ARHGEF10L: variants seen among roughly 807,000 people sequenced by gnomAD.
The protein encoded by ARHGEF10L is Rho guanine nucleotide exchange factor 10 like, also known as rho guanine nucleotide exchange factor 10-like protein.
ARHGEF10L carries 69 observed loss-of-function variants against 141.2 expected under a neutral mutation model. The ratio of observed to expected loss-of-function variants is 0.49; its 90% CI spans 0.40 to 0.60. ARHGEF10L has a LOEUF of 0.60. Ranked by LOEUF, ARHGEF10L falls within the 20% of genes least tolerant of loss-of-function variation. The probability of loss-of-function intolerance (pLI) is 0.00; values close to 1 mark genes in which losing one functional copy is unlikely to be tolerated. For synonymous variants in ARHGEF10L, 711 were observed against 718.5 expected (o/e 0.99, Z 0.17); for missense variants, 1,482 against 1,734.3 (o/e 0.85, Z 2.58).
At chr1:17,561,698 A>G (rs1021829193) in intron 1 of ARHGEF10L, among the ~76,000 whole-genome samples, 1 of 152,188 alleles carries the variant, frequency 6.6e-6, no homozygotes, top group African/African-American at 2.4e-5. Context: ...GGAGCCAGCT[A>G]TGAAGGAATA....
intron 4 of ARHGEF10L, among the ~76,000 whole-genome samples, chr1:17,598,212 C>T (rs1203266924): frequency 1.3e-5 from 2 of 152,118 alleles, no homozygotes; most frequent in African/African-American, 4.8e-5. Context: ...AGCGATTCTC[C>T]CATCTCAGCC....
In ARHGEF10L at chr1:17,619,486, G is replaced by A. The variant is rs751567122; in HGVS notation, c.942+41G>A. ...GGGCAGGTGGGGGTCTGCAGGGGAAGGGGTGGCTTGGGGGTTCCAGCCTGT... is the reference window on the plus strand; with the variant it reads ...GGGCAGGTGGGGGTCTGCAGGGGAAAGGGTGGCTTGGGGGTTCCAGCCTGT... On this transcript the variant is annotated intron_variant, in intron 10 of 28. Transcript: ENST00000361221. The surrounding 1 kb of genome is among the most constrained non-coding windows in gnomAD (Gnocchi z 5.0). 2 of 1,455,776 alleles carry A rather than the reference G, an allele frequency of 1.4e-6. No homozygotes were observed. The highest frequency in any genetic ancestry group is 2.2e-5 in the Admixed American group (1 of 44,616). The allele number at this position is 1,455,776 out of a possible 1,614,324, so 90.2% of individuals were successfully genotyped here. A position where few individuals can be genotyped will look rare whatever the true frequency, so the allele number is the denominator to read the frequency against.
the ARHGEF10L span, among the ~76,000 whole-genome samples, chr1:17,527,675 C>CT: frequency 0.018 from 2,645 of 147,324 alleles, 69 homozygotes; most frequent in African/African-American, 0.06. Flanking sequence ...CAAGACACTC[C>CT]TTTTTTTTTT....
chr1:17,537,493 G>A (rs1297275486), upstream of ARHGEF10L, among the ~76,000 whole-genome samples: 2 of 152,180 alleles, frequency 1.3e-5, no homozygotes, highest in East Asian at 1.9e-4. Flanking sequence ...AGCTAGATGG[G>A]TCAAATCAGT....
intron 1 of ARHGEF10L, among the ~76,000 whole-genome samples, chr1:17,578,274 C>T (rs1456984175): frequency 1.3e-5 from 2 of 152,176 alleles, no homozygotes; most frequent in African/African-American, 4.8e-5. Context: ...CGTGCAGCTA[C>T]AGGTTTGTTT....
At chr1:17,587,424 G>T (rs1230880295) in intron 2 of ARHGEF10L, 36 bp from the exon 3 acceptor site, 5 of 1,594,812 alleles carry the variant, frequency 3.1e-6, no homozygotes, top group Non-Finnish European at 3.4e-6. Flanking sequence ...AAACCTCGGA[G>T]ATCCTGCAGC....
At chr1:17,518,578 G>A in the ARHGEF10L span, among the ~76,000 whole-genome samples, 1 of 151,738 alleles carries the variant, frequency 6.6e-6, no homozygotes, top group Non-Finnish European at 1.5e-5. Context: ...GATCACCTGA[G>A]GTCAGGAGTT....
chr1:17,631,307 A>G (rs1380131888), intron 15 of ARHGEF10L, among the ~76,000 whole-genome samples: 6 of 152,096 alleles, frequency 3.9e-5, no homozygotes, highest in Non-Finnish European at 8.8e-5. Context: ...ACGTTTTCCC[A>G]GGGTGTCCCT....
chr1:17,579,848 G>C (rs937872420), intron 1 of ARHGEF10L, among the ~76,000 whole-genome samples: 13 of 152,218 alleles, frequency 8.5e-5, no homozygotes, highest in African/African-American at 2.9e-4. Context: ...GAAGCCCACC[G>C]GAGGCATCAG....
Position 17,664,496 on chromosome 1 carries a change from G to A in ARHGEF10L, c.2910G>A (p.Gly970=). 1 of 1,607,598 alleles carries A rather than the reference G, an allele frequency of 6.2e-7. No homozygotes were observed. Among genetic ancestry groups the A allele is most frequent in the Non-Finnish European group, 8.5e-7 (1 of 1,179,758 alleles). The change falls in exon 26 of 29, where the codon GGG becomes GGA. Residue 970 remains glycine, a synonymous_variant. Coordinates refer to ENST00000361221, the MANE Select transcript of ARHGEF10L (RefSeq NM_018125.4). ...GCCCTCCCGTGTGCCTGACTGTGGGGCCCGGGCCTGTCCGCACCCTGTTGA... is the reference window on the plus strand; with the variant it reads ...GCCCTCCCGTGTGCCTGACTGTGGGACCCGGGCCTGTCCGCACCCTGTTGA... ...LESPPVCLTV[G]PGPVRTLLSL... is the part of the protein sequence containing the mutation.
intron 27 of ARHGEF10L, among the ~76,000 whole-genome samples, chr1:17,689,384 C>G (rs1328143354): frequency 2.0e-5 from 3 of 151,446 alleles, no homozygotes; most frequent in African/African-American, 7.3e-5. Context: ...TGAGACTGAA[C>G]CCTTCACTCA....
Position 17,621,536 on chromosome 1 carries a change from G to A in ARHGEF10L, c.943-328G>A, listed in dbSNP as rs893397874. On this transcript the variant is annotated intron_variant, in intron 10 of 28. Coordinates refer to ENST00000361221, the MANE Select transcript of ARHGEF10L (RefSeq NM_018125.4). The surrounding 1 kb of genome is among the most constrained non-coding windows in gnomAD (Gnocchi z 4.1). ...GCATGAGCCACCTTGCCTGGCCTAG[G>A]ATTTTCTATTAGAGTTGTCCAAAGA... Among the ~76,000 whole-genome samples, 10 of 152,184 alleles carry A rather than the reference G, an allele frequency of 6.6e-5. No individual in the cohort carries two copies. Among genetic ancestry groups the A allele is most frequent in the African/African-American group, 1.7e-4 (7 of 41,446 alleles).
intron 4 of ARHGEF10L, among the ~76,000 whole-genome samples, chr1:17,595,741 G>A (rs1190228632): frequency 1.3e-5 from 2 of 152,118 alleles, no homozygotes; most frequent in African/African-American, 4.8e-5. Context: ...AGGAGGGGGC[G>A]GGGAAGCAGC....
intron 15 of ARHGEF10L, among the ~76,000 whole-genome samples, chr1:17,630,289 A>G (rs1310539650): frequency 6.6e-6 from 1 of 152,226 alleles, no homozygotes; most frequent in East Asian, 1.9e-4. Context: ...CGTTTGTGCA[A>G]TATCCTGGTT....
intron 26 of ARHGEF10L, among the ~76,000 whole-genome samples, chr1:17,676,001 GGTGCAGGTGTGGATGCAGGTATGT>G (rs2063668043): frequency 1.4e-5 from 2 of 143,382 alleles, no homozygotes; most frequent in Non-Finnish European, 3.0e-5. Flanking sequence ...TGCAGGTGTG[GGTGCAGGTGTGGATGCAGGTATGT>G]GTGCAGGTAT....
chr1:17,647,384 G>A (rs2061667772), intron 21 of ARHGEF10L, among the ~76,000 whole-genome samples: 1 of 152,202 alleles, frequency 6.6e-6, no homozygotes, highest in South Asian at 2.1e-4. Flanking sequence ...TGTGGTGCCT[G>A]ATGTGTGGGT....
chr1:17,643,451 C>A (rs2061429186), intron 21 of ARHGEF10L, among the ~76,000 whole-genome samples: 1 of 152,188 alleles, frequency 6.6e-6, no homozygotes, highest in Non-Finnish European at 1.5e-5. Flanking sequence ...CTGGGAAAGG[C>A]AGACTCCATC....
rs1043179516 is a variant in ARHGEF10L at position 17,567,393 on chromosome 1, G to A, written c.-43-13160G>A. 9.6e-4 allele frequency among the ~76,000 whole-genome samples: 146 copies of A among 152,186 alleles called. 1 individual carries two copies. The highest frequency in any genetic ancestry group is 3.3e-3 in the African/African-American group (138 of 41,508). On this transcript the variant is annotated intron_variant, in intron 1 of 28. Transcript: ENST00000361221. ...AGCAGAATTTTTTTTTTGAGATGTA[G>A]TCTCACTCTGTCGCCCAGGCTGGAG... is the stretch of plus-strand genomic sequence containing the variant.
At chr1:17,579,441 C>T (rs2078381388) in intron 1 of ARHGEF10L, among the ~76,000 whole-genome samples, 1 of 152,186 alleles carries the variant, frequency 6.6e-6, no homozygotes, top group South Asian at 2.1e-4. Context: ...AACCCTGGCT[C>T]TTCCTAGCTG....
Sources: gnomAD v4.1 joint callset for allele counts (sites outside exome capture counted in the v4.1 genomes callset) on GRCh38, gnomAD v4.1.1 for gene constraint, Gnocchi (gnomAD v3.1) non-coding constraint, MANE v1.5 for transcripts, NCBI Gene and HGNC (gene_info 2026-07-23, HGNC 2026-07-21) for gene names.